The following NR2E1 variants were observed in gnomAD, a reference collection of about 807,000 sequenced individuals.
NR2E1 encodes nuclear receptor TLX.
NR2E1 carries 5 observed loss-of-function variants against 43.6 expected under a neutral mutation model. The observed-to-expected ratio is 0.11, with a 90% CI of 0.06 to 0.24. The LOEUF (loss-of-function observed/expected upper bound fraction) is 0.24, where lower values mean the gene tolerates loss of function less well. Ranked by LOEUF, NR2E1 falls within the 10% of genes least tolerant of loss-of-function variation. The pLI is 1.00. For missense variants in NR2E1, 287 were observed against 496.7 expected (o/e 0.58, Z 4.01); for synonymous variants, 191 against 195.5 (o/e 0.98, Z 0.19).
chr6:108,184,484 G>A (rs1238967716), intron 8 of NR2E1, among the ~76,000 whole-genome samples: 1 of 152,208 alleles, frequency 6.6e-6, no homozygotes, highest in Non-Finnish European at 1.5e-5. Flanking sequence ...GGAAAGCAAT[G>A]TGGGGAGTGT....
intron 3 of NR2E1, 50 bp downstream of exon 3, chr6:108,174,973 T>G: frequency 6.5e-7 from 1 of 1,537,018 alleles, no homozygotes; most frequent in Admixed American, 1.7e-5. Flanking sequence ...GTAAGTAAAT[T>G]ATATGTACAG....
At position 108,180,427 on chromosome 6, in the gene NR2E1, T is replaced by C. The variant is rs778009972; in HGVS notation, c.739+8T>C. ...CTCTACTGGCTGTATCTGGTAAGAA[T>C]TGCACAATTTAATGACTTTGTTGTA... On this transcript the variant is annotated splice_region_variant and intron_variant, in intron 6 of 8. Transcript: ENST00000368986. The surrounding 1 kb of genome is among the most constrained non-coding windows in gnomAD (Gnocchi z 5.4). The C allele has an allele frequency of 5.1e-6, 8 of 1,554,806 alleles. No individual in the cohort carries two copies. The highest frequency in any genetic ancestry group is 2.2e-5 in the South Asian group (2 of 89,816).
chr6:108,176,152 C>T (rs962498781), intron 3 of NR2E1: 2 of 304,282 alleles, frequency 6.6e-6, no homozygotes, highest in Non-Finnish European at 1.2e-5. Context: ...GGATACCTGG[C>T]TACTCCAGCC....
Position 108,166,819 on chromosome 6 carries a change from C to A in NR2E1, c.25+29C>A. 6.3e-7 allele frequency: 1 copy of A among 1,586,120 alleles called. No individual in the cohort carries two copies. Among genetic ancestry groups the A allele is most frequent in the Non-Finnish European group, 8.5e-7 (1 of 1,169,798 alleles). On this transcript the variant is annotated intron_variant, in intron 1 of 8. Coordinates refer to ENST00000368986, the MANE Select transcript of NR2E1 (RefSeq NM_003269.5). This position sits in a 1 kb window ranked among gnomAD's most constrained non-coding sequence, Gnocchi z 7.2. Reference sequence around the variant, plus strand: ...GGTACCTCTCGGGCCGCCGTGGGGCCTAGGCGCGCAGCCTGGGGCGAGCGA... The same window carrying A: ...GGTACCTCTCGGGCCGCCGTGGGGCATAGGCGCGCAGCCTGGGGCGAGCGA...
intron 7 of NR2E1, 135 bp downstream of exon 7, chr6:108,181,091 C>T (rs925452704): frequency 1.0e-6 from 1 of 983,062 alleles, no homozygotes; most frequent in Non-Finnish European, 1.6e-6. Context: ...CTTAATCTGG[C>T]CCCATTTTTT....
Position 108,187,771 on chromosome 6 carries a change from G to C in NR2E1, c.*308G>C, listed in dbSNP as rs1774098844. ...GTGCCATTCTGCCTCTTACCTGGAAGATCAGGCTGAACGATCAAAAGCTGA... is the reference window on the plus strand; with the variant it reads ...GTGCCATTCTGCCTCTTACCTGGAACATCAGGCTGAACGATCAAAAGCTGA... On this transcript the variant is annotated 3_prime_UTR_variant, in exon 9 of 9. Transcript: ENST00000368986. 2.5e-6 allele frequency: 1 copy of C among 402,402 alleles called. No homozygotes were observed. The highest frequency in any genetic ancestry group is 4.7e-6 in the Non-Finnish European group (1 of 212,314). 24.9% of individuals were successfully genotyped at this position (402,402 alleles called of 1,614,324 possible). A position where few individuals can be genotyped will look rare whatever the true frequency, so the allele number is the denominator to read the frequency against.
intron 3 of NR2E1, chr6:108,176,250 G>C (rs575319406): frequency 1.7e-6 from 1 of 581,978 alleles, no homozygotes; most frequent in African/African-American, 1.9e-5. Flanking sequence ...CTTACTTGAG[G>C]CTCTGCCATT....
chr6:108,171,696 TGAG>T, intron 2 of NR2E1, 93 bp downstream of exon 2: 1 of 1,527,886 alleles, frequency 6.5e-7, no homozygotes, highest in East Asian at 2.2e-5. Flanking sequence ...TCCACGCAGT[TGAG>T]GAGAGACCCG....
At chr6:108,178,324 T>G in intron 5 of NR2E1, 83 bp downstream of exon 5, 2 of 1,462,496 alleles carry the variant, frequency 1.4e-6, no homozygotes, top group South Asian at 1.1e-5. Context: ...CCTCTATCCC[T>G]GGGTAAACCA....
chr6:108,175,943 C>T (rs561788386), intron 3 of NR2E1, among the ~76,000 whole-genome samples: 28 of 152,238 alleles, frequency 1.8e-4, no homozygotes, highest in Non-Finnish European at 2.6e-4. Context: ...TACTCGGAGA[C>T]GGGTTCTCCC....
At position 108,166,459 on chromosome 6, in the gene NR2E1, T is replaced by A. The variant is rs1773709531; in HGVS notation, c.-307T>A. 1 of 374,948 alleles carries A rather than the reference T, an allele frequency of 2.7e-6. No individual in the cohort carries two copies. Among genetic ancestry groups the A allele is most frequent in the African/African-American group, 2.2e-5 (1 of 46,404 alleles). The allele number at this position is 374,948 out of a possible 1,614,324, so 23.2% of individuals were successfully genotyped here. On this transcript the variant is annotated 5_prime_UTR_variant, in exon 1 of 9. Transcript: ENST00000368986. The surrounding 1 kb of genome is among the most constrained non-coding windows in gnomAD (Gnocchi z 7.2). ...ATCCCTCTCTTGCTGTTCTTCCTTC[T>A]TCCTCAGTCTTCCTGTCCATCTCTC... is the stretch of plus-strand genomic sequence containing the variant.
Position 108,180,307 on chromosome 6 carries a change from A to T in NR2E1, c.643-16A>T, listed in dbSNP as rs572119869. 4.8e-6 allele frequency: 7 copies of T among 1,470,648 alleles called. No homozygotes were observed. The Admixed American group carries it at 8.4e-5, about 18-fold the overall frequency. 91.1% of individuals were successfully genotyped at this position (1,470,648 alleles called of 1,614,324 possible). A position where few individuals can be genotyped will look rare whatever the true frequency, so the allele number is the denominator to read the frequency against. On this transcript the variant is annotated splice_polypyrimidine_tract_variant and intron_variant, in intron 5 of 8. Transcript: ENST00000368986. This position sits in a 1 kb window ranked among gnomAD's most constrained non-coding sequence, Gnocchi z 5.4. ...AATTACACACTATATTATATTATACATCTATTGTATGACAGCTGATGCTTT... is the reference window on the plus strand; with the variant it reads ...AATTACACACTATATTATATTATACTTCTATTGTATGACAGCTGATGCTTT...
intron 1 of NR2E1, chr6:108,168,309 C>CCA: frequency 4.0e-6 from 3 of 758,306 alleles, no homozygotes; most frequent in South Asian, 4.5e-5. Flanking sequence ...GCTCGCTCGC[C>CCA]CCGGGACAGG....
At chr6:108,182,893 G>T (rs1224276254) in intron 8 of NR2E1, among the ~76,000 whole-genome samples, 5 of 151,884 alleles carry the variant, frequency 3.3e-5, no homozygotes, top group Non-Finnish European at 5.9e-5. Flanking sequence ...TAGAGACAAG[G>T]TCTTGCTATG....
chr6:108,180,255 C>A lies in NR2E1; in HGVS notation c.643-68C>A. 2 of 1,008,260 alleles carry A rather than the reference C, an allele frequency of 2.0e-6. No homozygotes were observed. Among genetic ancestry groups the A allele is most frequent in the South Asian group, 1.4e-5 (1 of 71,912 alleles). 62.5% of individuals were successfully genotyped at this position (1,008,260 alleles called of 1,614,324 possible). A position where few individuals can be genotyped will look rare whatever the true frequency, so the allele number is the denominator to read the frequency against. On this transcript the variant is annotated intron_variant, in intron 5 of 8. Transcript: ENST00000368986. The surrounding 1 kb of genome is among the most constrained non-coding windows in gnomAD (Gnocchi z 5.4). ...CACTTTTTAAAATAATGGAAATTTA[C>A]ATAGTGAAATTGTTTATAAATTTAT...
chr6:108,182,768 A>G (rs1347333260), intron 8 of NR2E1, among the ~76,000 whole-genome samples: 2 of 152,054 alleles, frequency 1.3e-5, no homozygotes, highest in Admixed American at 6.6e-5. Flanking sequence ...CGTGTTGGCC[A>G]GGCAGGTCTC....
In NR2E1 at chr6:108,171,445, C is replaced by T. The variant is rs991252299; in HGVS notation, c.26-13C>T. ...GCCCCTTCCCCCCTTCCCCGTCTTT[C>T]CTGCGATTTCAGGCCGCATTTTAGA... On this transcript the variant is annotated splice_polypyrimidine_tract_variant and intron_variant, in intron 1 of 8. Transcript: ENST00000368986. 27 of 1,613,698 alleles carry T rather than the reference C, an allele frequency of 1.7e-5. No individual in the cohort carries two copies. The highest frequency in any genetic ancestry group is 2.0e-5 in the Non-Finnish European group (24 of 1,179,912).
Position 108,166,855 on chromosome 6 carries a change from TG to T in NR2E1, c.25+70del. 4 of 1,496,564 alleles carry T rather than the reference TG, an allele frequency of 2.7e-6. No individual in the cohort carries two copies. Among genetic ancestry groups the T allele is most frequent in the Non-Finnish European group, 1.8e-6 (2 of 1,099,912 alleles). 92.7% of individuals were successfully genotyped at this position (1,496,564 alleles called of 1,614,324 possible). ...GCCTGGGGCGAGCGAGCGGGGAGGC[TG>T]GGGGAGGTCCTGCCTGGAGCGCTGC... is the stretch of plus-strand genomic sequence containing the variant. On this transcript the variant is annotated intron_variant, in intron 1 of 8. Transcript: ENST00000368986. The surrounding 1 kb of genome is among the most constrained non-coding windows in gnomAD (Gnocchi z 7.2).
intron 4 of NR2E1, among the ~76,000 whole-genome samples, 156 bp from the exon 5 acceptor site, chr6:108,177,939 A>AT (rs567012248): frequency 3.0e-4 from 46 of 152,280 alleles, no homozygotes; most frequent in Admixed American, 7.2e-4. Flanking sequence ...GCGATGTTTG[A>AT]TTTTTTTACC....
Sources: allele counts gnomAD v4.1 joint callset (sites outside exome capture counted in the v4.1 genomes callset), GRCh38; gene constraint gnomAD v4.1.1; non-coding constraint Gnocchi (gnomAD v3.1); transcripts MANE v1.5; gene names NCBI Gene and HGNC (gene_info 2026-07-23, HGNC 2026-07-21).